SLC35F3: variants seen among roughly 807,000 people sequenced by gnomAD.
SLC35F3 encodes the protein solute carrier family 35 member F3.
A neutral mutation model predicts 49.9 loss-of-function variants in SLC35F3; 25 were observed. The ratio of observed to expected loss-of-function variants is 0.50; its 90% CI spans 0.37 to 0.70. The LOEUF (loss-of-function observed/expected upper bound fraction) is 0.70, where lower values mean the gene tolerates loss of function less well. Among genes scored for constraint, SLC35F3 ranks in the 30% least tolerant of loss-of-function variants. The pLI is 0.00. For synonymous variants in SLC35F3, 275 were observed against 265.4 expected (o/e 1.04, Z -0.35); for missense variants, 525 against 639.8 (o/e 0.82, Z 1.94).
At chr1:234,216,584 C>G (rs1487831974) in intron 2 of SLC35F3, among the ~76,000 whole-genome samples, 1 of 152,220 alleles carries the variant, frequency 6.6e-6, no homozygotes, top group South Asian at 2.1e-4. Flanking sequence ...CCTGCTAACG[C>G]CAGCAGCTGC....
chr1:233,954,880 G>A (rs10797506), intron 2 of SLC35F3, among the ~76,000 whole-genome samples: 58,733 of 152,002 alleles, frequency 0.39, 11,708 homozygotes, highest in East Asian at 0.52. Context: ...GTCTCACTCT[G>A]TTGCCCAGCC....
chr1:234,230,444 C>T (rs1667350484), intron 2 of SLC35F3, among the ~76,000 whole-genome samples: 1 of 152,266 alleles, frequency 6.6e-6, no homozygotes, highest in African/African-American at 2.4e-5. Flanking sequence ...TGCCTCCATT[C>T]AGCTAGGTGC....
At chr1:234,184,847 A>G (rs757161498) in intron 2 of SLC35F3, among the ~76,000 whole-genome samples, 1 of 152,238 alleles carries the variant, frequency 6.6e-6, no homozygotes, top group Non-Finnish European at 1.5e-5. Flanking sequence ...TGTGGTCCCT[A>G]GACAGACCAG....
chr1:234,171,782 G>T lies in SLC35F3; in HGVS notation c.284-59635G>T, dbSNP rs143958555. ...ATTACTGTAGAATAACTGTAGTTAA[G>T]AATAATATATAGTTGCAAAGAGCTA... On this transcript the variant is annotated intron_variant, in intron 2 of 7. Transcript: ENST00000366618. 2.5e-3 allele frequency among the ~76,000 whole-genome samples: 378 copies of T among 152,218 alleles called. 1 individual carries two copies. The highest frequency in any genetic ancestry group is 7.9e-3 in the African/African-American group (327 of 41,526).
rs554280516 is a variant in SLC35F3 at position 233,974,105 on chromosome 1, G to T, written c.283+68347G>T. 4.2e-5 allele frequency among the ~76,000 whole-genome samples: 6 copies of T among 141,694 alleles called. No homozygotes were observed. In the East Asian group the frequency reaches 1.3e-3, roughly 32 times the overall value. The allele number at this position is 141,694 out of a possible 152,430, so 93.0% of individuals were successfully genotyped here. A position where few individuals can be genotyped will look rare whatever the true frequency, so the allele number is the denominator to read the frequency against. ...TTCTTTTCGTTCCCTGAAAACGTTA[G>T]TTTTCCAGGAAAAAGCTAAACCCAC... On this transcript the variant is annotated intron_variant, in intron 2 of 7. Coordinates refer to ENST00000366618, the MANE Select transcript of SLC35F3 (RefSeq NM_173508.4).
intron 2 of SLC35F3, among the ~76,000 whole-genome samples, chr1:234,186,476 G>T (rs1666645364): frequency 1.3e-5 from 2 of 151,956 alleles, no homozygotes; most frequent in Middle Eastern, 3.4e-3. Context: ...AGACAAGCTG[G>T]GTGCCGTCTC....
At chr1:234,002,335 T>C (rs1663566633) in intron 2 of SLC35F3, among the ~76,000 whole-genome samples, 1 of 152,168 alleles carries the variant, frequency 6.6e-6, no homozygotes, top group African/African-American at 2.4e-5. Flanking sequence ...TGTTGTAGGA[T>C]CCCATCCAGG....
intron 3 of SLC35F3, among the ~76,000 whole-genome samples, chr1:234,305,950 C>T (rs996296079): frequency 2.0e-5 from 3 of 152,122 alleles, no homozygotes. Flanking sequence ...CTGCCAGCAG[C>T]ATCAGTGAGC....
chr1:233,944,868 C>T (rs1023622093), intron 2 of SLC35F3, among the ~76,000 whole-genome samples: 4 of 152,004 alleles, frequency 2.6e-5, no homozygotes, highest in Admixed American at 6.6e-5. Context: ...GTAGAGGGGA[C>T]GGAAGGGACC....
At chr1:234,132,256 G>A (rs923995443) in intron 2 of SLC35F3, among the ~76,000 whole-genome samples, 1 of 152,104 alleles carries the variant, frequency 6.6e-6, no homozygotes, top group Non-Finnish European at 1.5e-5. Flanking sequence ...GCTTCAACAT[G>A]ATTTGTAATT....
chr1:234,040,392 G>A (rs779697641), intron 2 of SLC35F3, among the ~76,000 whole-genome samples: 3 of 152,158 alleles, frequency 2.0e-5, no homozygotes, highest in South Asian at 2.1e-4. Context: ...GAGAGAGAGG[G>A]CAAATAGGGA....
At chr1:234,141,244 G>C (rs1256603430) in intron 2 of SLC35F3, among the ~76,000 whole-genome samples, 1 of 152,084 alleles carries the variant, frequency 6.6e-6, no homozygotes. Flanking sequence ...AGTTTTATAA[G>C]CTAATGAGTC....
At chr1:234,088,364 T>C (rs1039424916) in intron 2 of SLC35F3, among the ~76,000 whole-genome samples, 8 of 152,134 alleles carry the variant, frequency 5.3e-5, no homozygotes, top group African/African-American at 1.9e-4. Context: ...TGCACAACCA[T>C]GCGCAGCTAA....
At chr1:233,931,998 A>G (rs890456232) in intron 2 of SLC35F3, among the ~76,000 whole-genome samples, 12 of 152,220 alleles carry the variant, frequency 7.9e-5, no homozygotes, top group Admixed American at 2.6e-4. Flanking sequence ...TTGCAGGGAT[A>G]TGGATGAAGC....
chr1:234,255,069 A>G (rs886134615), intron 3 of SLC35F3, among the ~76,000 whole-genome samples: 12 of 152,260 alleles, frequency 7.9e-5, no homozygotes, highest in Admixed American at 2.0e-4. Flanking sequence ...TGTTAAGAAC[A>G]TCAAAAAATT....
At chr1:234,102,526 G>T (rs1345035609) in intron 2 of SLC35F3, among the ~76,000 whole-genome samples, 1 of 152,188 alleles carries the variant, frequency 6.6e-6, no homozygotes, top group African/African-American at 2.4e-5. Context: ...TCTGTAAATT[G>T]TGAGCATTCT....
At chr1:234,267,014 A>G (rs1430449196) in intron 3 of SLC35F3, among the ~76,000 whole-genome samples, 1 of 137,980 alleles carries the variant, frequency 7.2e-6, no homozygotes, top group Non-Finnish European at 1.5e-5. Context: ...TCCTAGGCAG[A>G]GGACCCTGCG....
At chr1:234,260,183 C>A (rs974098621) in intron 3 of SLC35F3, among the ~76,000 whole-genome samples, 1 of 152,126 alleles carries the variant, frequency 6.6e-6, no homozygotes, top group Non-Finnish European at 1.5e-5. Flanking sequence ...GTTACTATGT[C>A]TCAAAACAGT....
At chr1:234,316,417 C>T (rs1210516827) in intron 4 of SLC35F3, among the ~76,000 whole-genome samples, 185 bp from the exon 5 acceptor site, 2 of 152,246 alleles carry the variant, frequency 1.3e-5, no homozygotes, top group Non-Finnish European at 2.9e-5. Flanking sequence ...CCTCTCTAAG[C>T]AGCAACAAAA....
Sources: gnomAD v4.1 joint callset for allele counts (sites outside exome capture counted in the v4.1 genomes callset) on GRCh38, gnomAD v4.1.1 for gene constraint, MANE v1.5 for transcripts, NCBI Gene and HGNC (gene_info 2026-07-23, HGNC 2026-07-21) for gene names.